MEI4: variants seen among roughly 807,000 people sequenced by gnomAD.
MEI4 encodes meiosis-specific protein MEI4.
Under a neutral mutation model 31.4 loss-of-function variants are expected in MEI4, and 27 were observed. The ratio of observed to expected loss-of-function variants is 0.86; its 90% CI spans 0.63 to 1.19. MEI4 has a LOEUF of 1.19. Among genes scored for constraint, MEI4 ranks in the 50% most tolerant of loss-of-function variants. The probability of loss-of-function intolerance (pLI) is 0.00; values close to 1 mark genes in which losing one functional copy is unlikely to be tolerated. For missense variants in MEI4, 329 were observed against 398.9 expected (o/e 0.82, Z 1.49); for synonymous variants, 122 against 145.4 (o/e 0.84, Z 1.16).
chr6:77,905,612 T>A (rs969872240), intron 4 of MEI4, among the ~76,000 whole-genome samples: 5 of 149,810 alleles, frequency 3.3e-5, no homozygotes, highest in African/African-American at 1.2e-4. Context: ...ATCTCCTGCC[T>A]CAGCCTCCTG....
Position 77,923,937 on chromosome 6 carries a change from T to G in MEI4, c.*591T>G, listed in dbSNP as rs1363850638. 2 of 94,658 alleles carry G rather than the reference T, an allele frequency of 2.1e-5. No homozygotes were observed. Among genetic ancestry groups the G allele is most frequent in the Non-Finnish European group, 4.1e-5 (2 of 48,358 alleles). The allele number at this position is 94,658 out of a possible 1,614,324, so 5.9% of individuals were successfully genotyped here. ...ATGGCTAATACATTTGTCGAGCTCT[T>G]TTGAAAATACTATTAATTAGTTGTT... On this transcript the variant is annotated 3_prime_UTR_variant, in exon 5 of 5. Coordinates refer to ENST00000684080, the MANE Select transcript of MEI4 (RefSeq NM_001322247.2).
chr6:77,813,342 TCAGAAGTTTTCCAATA>T (rs1195355761), intron 3 of MEI4, among the ~76,000 whole-genome samples: 1 of 152,026 alleles, frequency 6.6e-6, no homozygotes, highest in Non-Finnish European at 1.5e-5. Context: ...CTACAGTACC[TCAGAAGTTTTCCAATA>T]TGCAAGCATA....
At chr6:77,864,889 C>T (rs570486699) in intron 4 of MEI4, among the ~76,000 whole-genome samples, 3 of 152,272 alleles carry the variant, frequency 2.0e-5, no homozygotes, top group Non-Finnish European at 4.4e-5. Flanking sequence ...GTCTCTCAGA[C>T]CACAGTGCAA....
chr6:77,902,208 A>G (rs1766200068), intron 4 of MEI4, among the ~76,000 whole-genome samples: 1 of 152,032 alleles, frequency 6.6e-6, no homozygotes, highest in Admixed American at 6.6e-5. Context: ...GCTCTTCACG[A>G]TTATTAAAAC....
chr6:77,877,652 T>C (rs1383066760), intron 4 of MEI4, among the ~76,000 whole-genome samples: 5 of 151,428 alleles, frequency 3.3e-5, no homozygotes, highest in Admixed American at 1.3e-4. Flanking sequence ...ATTGTGTCTC[T>C]CTCCCTAATA....
chr6:77,697,937 A>C (rs1036856352), intron 2 of MEI4, among the ~76,000 whole-genome samples: 2 of 152,092 alleles, frequency 1.3e-5, no homozygotes, highest in Admixed American at 1.3e-4. Flanking sequence ...TTGCTTTATG[A>C]ATCTGGGTGC....
chr6:77,751,105 C>T (rs1767760749), intron 2 of MEI4, among the ~76,000 whole-genome samples: 1 of 152,080 alleles, frequency 6.6e-6, no homozygotes, highest in African/African-American at 2.4e-5. Context: ...ATCTCTGAGA[C>T]ACATTTAAAA....
rs558954096 is a variant in MEI4 at position 77,862,640 on chromosome 6, C to T, written c.900+33578C>T. 4.6e-4 allele frequency among the ~76,000 whole-genome samples: 70 copies of T among 152,320 alleles called. 1 individual carries two copies. In the East Asian group the frequency reaches 6.0e-3, roughly 13 times the overall value. On this transcript the variant is annotated intron_variant, in intron 4 of 4. Coordinates refer to ENST00000684080, the MANE Select transcript of MEI4 (RefSeq NM_001322247.2). ...GGCCTGCCTGCCTCTGTAGACTCCA[C>T]CTCTGGGGGCAGGGCATAGCCAAAC...
chr6:77,714,249 A>C (rs966151942), intron 2 of MEI4, among the ~76,000 whole-genome samples: 1 of 151,978 alleles, frequency 6.6e-6, no homozygotes, highest in East Asian at 1.9e-4. Flanking sequence ...AAAAAAAAAC[A>C]AAACAGAAAA....
intron 2 of MEI4, among the ~76,000 whole-genome samples, chr6:77,751,919 C>A (rs1767785578): frequency 6.6e-6 from 1 of 152,170 alleles, no homozygotes; most frequent in Non-Finnish European, 1.5e-5. Context: ...AGCTTATCCA[C>A]CATGATCAAG....
At chr6:77,764,174 C>T (rs1446364383) in intron 3 of MEI4, among the ~76,000 whole-genome samples, 2 of 152,050 alleles carry the variant, frequency 1.3e-5, no homozygotes, top group East Asian at 3.9e-4. Flanking sequence ...TTCAGGCTTT[C>T]TGTTTCTTTC....
intron 2 of MEI4, among the ~76,000 whole-genome samples, chr6:77,750,468 T>G (rs1767739360): frequency 6.6e-6 from 1 of 152,144 alleles, no homozygotes; most frequent in Non-Finnish European, 1.5e-5. Flanking sequence ...GGTATTGCAA[T>G]CCTAGTCTCT....
intron 3 of MEI4, among the ~76,000 whole-genome samples, chr6:77,816,760 C>T (rs1328859307): frequency 6.6e-6 from 1 of 152,166 alleles, no homozygotes; most frequent in East Asian, 1.9e-4. Flanking sequence ...ATACTGAATG[C>T]CTGACTTGTA....
At chr6:77,714,121 T>C (rs1193102125) in intron 2 of MEI4, among the ~76,000 whole-genome samples, 1 of 152,152 alleles carries the variant, frequency 6.6e-6, no homozygotes, top group Non-Finnish European at 1.5e-5. Context: ...ACATTTTCTT[T>C]ATCTAGTTTA....
chr6:77,791,815 T>G (rs112370176), intron 3 of MEI4, among the ~76,000 whole-genome samples: 7 of 152,312 alleles, frequency 4.6e-5, no homozygotes, highest in Admixed American at 1.3e-4. Flanking sequence ...TTTTCAAGAA[T>G]TCATTATTAT....
chr6:77,841,821 A>C lies in MEI4; in HGVS notation c.900+12759A>C, dbSNP rs1361122034. Among the ~76,000 whole-genome samples the C allele has an allele frequency of 3.9e-5, 6 of 152,294 alleles. No individual in the cohort carries two copies. In the East Asian group the frequency reaches 9.6e-4, roughly 24 times the overall value. On this transcript the variant is annotated intron_variant, in intron 4 of 4. Coordinates refer to ENST00000684080, the MANE Select transcript of MEI4 (RefSeq NM_001322247.2). ...AATATTAGCAAAAATATATTTCTAA[A>C]CAAAGAACATCAACAGGGTAAAGAG...
intron 2 of MEI4, among the ~76,000 whole-genome samples, chr6:77,733,877 T>C (rs900300660): frequency 1.3e-5 from 2 of 152,040 alleles, no homozygotes; most frequent in Admixed American, 6.6e-5. Context: ...GCCTTCATTT[T>C]GTTATGTACC....
At chr6:77,850,534 G>A (rs1436851155) in intron 4 of MEI4, among the ~76,000 whole-genome samples, 1 of 152,062 alleles carries the variant, frequency 6.6e-6, no homozygotes, top group African/African-American at 2.4e-5. Context: ...AAGAAATGGG[G>A]GAATGATTCC....
At chr6:77,830,353 C>T (rs776255748) in intron 4 of MEI4, among the ~76,000 whole-genome samples, 2 of 151,944 alleles carry the variant, frequency 1.3e-5, no homozygotes, top group Non-Finnish European at 2.9e-5. Flanking sequence ...TCAGTAAGTG[C>T]AGAAAAAATG....
Sources: gnomAD v4.1 joint callset for allele counts (sites outside exome capture counted in the v4.1 genomes callset) on GRCh38, gnomAD v4.1.1 for gene constraint, MANE v1.5 for transcripts, NCBI Gene and HGNC (gene_info 2026-07-23, HGNC 2026-07-21) for gene names.